The following RARB variants were observed in gnomAD, a reference collection of about 807,000 sequenced individuals.
RARB encodes the protein retinoic acid receptor beta.
In RARB, 17 loss-of-function variants were observed where a neutral mutation model predicts 51.9. The observed-to-expected ratio is 0.33, with a 90% CI of 0.22 to 0.49. The LOEUF (loss-of-function observed/expected upper bound fraction) is 0.49, where lower values mean the gene tolerates loss of function less well. Among genes scored for constraint, RARB ranks in the 20% least tolerant of loss-of-function variants. RARB has a pLI of 0.99. For missense variants in RARB, 369 were observed against 550.8 expected, an observed-to-expected ratio of 0.67 and a Z score of 3.30; for synonymous variants, 215 against 195.4, an observed-to-expected ratio of 1.10 and a Z score of -0.84.
intron 2 of RARB, among the ~76,000 whole-genome samples, chr3:24,973,001 T>C (rs1696434462): frequency 6.6e-6 from 1 of 152,082 alleles, no homozygotes. Context: ...TTGTCCATTT[T>C]TTGCTTTTGT....
chr3:25,159,582 C>A (rs1700442363), intron 4 of RARB, among the ~76,000 whole-genome samples: 2 of 152,110 alleles, frequency 1.3e-5, no homozygotes, highest in Admixed American at 6.5e-5. Context: ...TGGTTGATTT[C>A]TTATATGATC....
intron 2 of RARB, among the ~76,000 whole-genome samples, chr3:24,876,535 C>G (rs1035451141): frequency 1.3e-5 from 2 of 152,090 alleles, no homozygotes; most frequent in African/African-American, 4.8e-5. Context: ...TCTGAAATGT[C>G]TGAGCAAGTG....
At chr3:25,084,361 G>T (rs549371198) in intron 3 of RARB, among the ~76,000 whole-genome samples, 1 of 151,852 alleles carries the variant, frequency 6.6e-6, no homozygotes, top group South Asian at 2.1e-4. Flanking sequence ...AACTCTGAAG[G>T]TTAAAGTCTA....
chr3:25,519,230 A>G (rs1036087764), intron 3 of RARB, among the ~76,000 whole-genome samples: 4 of 152,200 alleles, frequency 2.6e-5, no homozygotes, highest in Admixed American at 1.3e-4. Flanking sequence ...TGCCTTGAAT[A>G]TCCTGTACAT....
In RARB at chr3:25,250,021, T is replaced by G. The variant is rs551553988; in HGVS notation, c.178+75446T>G. 6.6e-4 allele frequency among the ~76,000 whole-genome samples: 100 copies of G among 152,074 alleles called. No individual in the cohort carries two copies. In the South Asian group the frequency reaches 0.021, roughly 31 times the overall value. ...TCTTCAGGCCCCTGGGCATCAGAAATTGCTTGATTAATGGCAGTAGCAGTG... is the reference window on the plus strand; with the variant it reads ...TCTTCAGGCCCCTGGGCATCAGAAAGTGCTTGATTAATGGCAGTAGCAGTG... On this transcript the variant is annotated intron_variant, in intron 5 of 11. Coordinates refer to the RARB transcript ENST00000383772.
At chr3:25,127,248 C>G (rs1259250027) in intron 3 of RARB, among the ~76,000 whole-genome samples, 2 of 152,160 alleles carry the variant, frequency 1.3e-5, no homozygotes, top group South Asian at 2.1e-4. Flanking sequence ...GATACCTGAT[C>G]TGGCCCTGCA....
At chr3:25,505,602 C>A (rs1376085361) in intron 3 of RARB, among the ~76,000 whole-genome samples, 2 of 147,786 alleles carry the variant, frequency 1.4e-5, no homozygotes, top group Admixed American at 6.8e-5. Flanking sequence ...TTTCCAAGGG[C>A]TTATAGGACT....
intron 2 of RARB, among the ~76,000 whole-genome samples, chr3:25,041,065 T>C (rs1698105424): frequency 6.6e-6 from 1 of 152,236 alleles, no homozygotes; most frequent in South Asian, 2.1e-4. Flanking sequence ...TAAAATTTTA[T>C]TACACATTTT....
chr3:24,919,481 C>T (rs1695174778), intron 2 of RARB, among the ~76,000 whole-genome samples: 1 of 146,922 alleles, frequency 6.8e-6, no homozygotes, highest in Admixed American at 6.6e-5. Context: ...AAACACCAAG[C>T]TGTAACCAAT....
chr3:25,146,983 T>A (rs1432835305), intron 4 of RARB, among the ~76,000 whole-genome samples: 1 of 152,184 alleles, frequency 6.6e-6, no homozygotes, highest in African/African-American at 2.4e-5. Flanking sequence ...TATGAATGCC[T>A]GGGCTATGTG....
chr3:25,326,237 G>A (rs1481011462), intron 5 of RARB, among the ~76,000 whole-genome samples: 5 of 152,200 alleles, frequency 3.3e-5, no homozygotes, highest in Non-Finnish European at 5.9e-5. Context: ...AACTGGACCT[G>A]CTAAAGTCAA....
At chr3:24,970,037 CAG>C (rs1696359810) in intron 2 of RARB, among the ~76,000 whole-genome samples, 1 of 151,988 alleles carries the variant, frequency 6.6e-6, no homozygotes, top group Non-Finnish European at 1.5e-5. Flanking sequence ...AAGGAGCAGA[CAG>C]TACATATTTT....
chr3:25,026,606 G>A (rs912900323), intron 2 of RARB, among the ~76,000 whole-genome samples: 1 of 144,568 alleles, frequency 6.9e-6, no homozygotes, highest in African/African-American at 2.6e-5. Flanking sequence ...CTCTTTGAAG[G>A]CCCAATCTCC....
At chr3:25,475,625 C>T (rs116826823) in intron 2 of RARB, among the ~76,000 whole-genome samples, 241 of 152,246 alleles carry the variant, frequency 1.6e-3, no homozygotes, top group African/African-American at 5.4e-3. Context: ...CTGGGGAGCA[C>T]AGTCAATGGA....
At chr3:25,232,004 G>T (rs927907287) in intron 5 of RARB, among the ~76,000 whole-genome samples, 1 of 151,414 alleles carries the variant, frequency 6.6e-6, no homozygotes, top group African/African-American at 2.4e-5. Context: ...ATTTAAAAGT[G>T]ATAAAGTTTT....
intron 3 of RARB, among the ~76,000 whole-genome samples, chr3:25,524,733 A>G (rs564306796): frequency 1.5e-5 from 2 of 134,564 alleles, no homozygotes; most frequent in South Asian, 4.8e-4. Flanking sequence ...CTTTTTTATC[A>G]TTATTTTTTT....
At chr3:25,362,898 A>G (rs1308134145) in intron 5 of RARB, among the ~76,000 whole-genome samples, 2 of 152,170 alleles carry the variant, frequency 1.3e-5, no homozygotes, top group Non-Finnish European at 2.9e-5. Flanking sequence ...GGAGCTGCAG[A>G]CTGGAGCTGT....
intron 3 of RARB, among the ~76,000 whole-genome samples, chr3:25,073,678 G>A (rs1224636844): frequency 2.6e-5 from 4 of 152,150 alleles, no homozygotes; most frequent in East Asian, 3.9e-4. Context: ...TAAATAATGT[G>A]CGTGTAATTC....
chr3:25,238,850 G>T (rs767164344), intron 5 of RARB, among the ~76,000 whole-genome samples: 4 of 152,010 alleles, frequency 2.6e-5, no homozygotes, highest in African/African-American at 4.8e-5. Context: ...ATGATGGCGC[G>T]TGCCTGTAGT....
Sources: allele counts gnomAD v4.1 joint callset (sites outside exome capture counted in the v4.1 genomes callset), GRCh38; gene constraint gnomAD v4.1.1; transcripts MANE v1.5; gene names NCBI Gene and HGNC (gene_info 2026-07-23, HGNC 2026-07-21).